The following DGKB variants were observed in gnomAD, a reference collection of about 807,000 sequenced individuals.
DGKB encodes 90 kDa diacylglycerol kinase.
A neutral mutation model predicts 114.3 loss-of-function variants in DGKB; 67 were observed. That is an observed-to-expected ratio of 0.59 (90% CI 0.48 to 0.72). The LOEUF is 0.72. Among genes scored for constraint, DGKB ranks in the 30% least tolerant of loss-of-function variants. The probability of loss-of-function intolerance (pLI) is 0.00; values close to 1 mark genes in which losing one functional copy is unlikely to be tolerated. For synonymous variants in DGKB, 398 were observed against 323.1 expected, an observed-to-expected ratio of 1.23 and a Z score of -2.49; for missense variants, 907 against 975.2, an observed-to-expected ratio of 0.93 and a Z score of 0.93.
intron 23 of DGKB, among the ~76,000 whole-genome samples, chr7:14,236,267 C>G (rs1178579005): frequency 6.6e-6 from 1 of 151,682 alleles, no homozygotes; most frequent in Admixed American, 6.6e-5. Flanking sequence ...ACATGAAAGA[C>G]AGCTTATCAC....
intron 13 of DGKB, among the ~76,000 whole-genome samples, chr7:14,653,987 C>A (rs985745526): frequency 2.6e-5 from 4 of 151,994 alleles, no homozygotes; most frequent in Non-Finnish European, 5.9e-5. Flanking sequence ...GACAAGTATG[C>A]CTACTTTTAC....
At chr7:14,180,545 G>A (rs1048233131) in intron 23 of DGKB, among the ~76,000 whole-genome samples, 16 of 152,060 alleles carry the variant, frequency 1.1e-4, no homozygotes, top group Non-Finnish European at 1.8e-4. Flanking sequence ...TAGGAATAGT[G>A]CCATCTTTAC....
intron 16 of DGKB, among the ~76,000 whole-genome samples, 178 bp from the exon 17 acceptor site, chr7:14,607,686 A>G (rs1026315820): frequency 2.0e-5 from 3 of 151,956 alleles, no homozygotes; most frequent in Non-Finnish European, 4.4e-5. Flanking sequence ...CTCAATAGGA[A>G]TTAATGGTTT....
rs1554404696 is a variant in DGKB, at chr7:14,392,989, G to GTTTTTGTTTTTGTTTTTTTTT, written c.1836-47599_1836-47598insAAAAAAAAACAAAAACAAAAA. On this transcript the variant is annotated intron_variant, in intron 21 of 25. Transcript: ENST00000402815. Reference sequence around the variant, plus strand: ...GAGGGCCAAAACAGACCTGTTTTTTGTTTTTGTTTTTTTTTTTTTGAGACG... The same window carrying GTTTTTGTTTTTGTTTTTTTTT: ...GAGGGCCAAAACAGACCTGTTTTTTGTTTTTGTTTTTGTTTTTTTTTTTTTTGTTTTTTTTTTTTTGAGACG... Among the ~76,000 whole-genome samples the GTTTTTGTTTTTGTTTTTTTTT allele has an allele frequency of 3.0e-4, 3 of 10,168 alleles. 1 individual carries two copies. The East Asian group carries it at 4.0e-3, about 13-fold the overall frequency. The allele number at this position is 10,168 out of a possible 152,430, so 6.7% of individuals were successfully genotyped here.
At chr7:14,920,894 T>G (rs1475790964) in intron 1 of DGKB, among the ~76,000 whole-genome samples, 2 of 152,132 alleles carry the variant, frequency 1.3e-5, no homozygotes, top group Non-Finnish European at 2.9e-5. Flanking sequence ...CTGAAAAGAC[T>G]CCCATACTAA....
At chr7:14,922,619 G>A (rs1784564874) in intron 1 of DGKB, among the ~76,000 whole-genome samples, 1 of 152,022 alleles carries the variant, frequency 6.6e-6, no homozygotes, top group African/African-American at 2.4e-5. Context: ...CTTCATTTCA[G>A]CATGGTGTAG....
At chr7:14,375,646 T>C (rs1171395822) in intron 21 of DGKB, among the ~76,000 whole-genome samples, 1 of 152,326 alleles carries the variant, frequency 6.6e-6, no homozygotes, top group South Asian at 2.1e-4. Flanking sequence ...CCTTCTCAGG[T>C]AGGATTTCTT....
At chr7:14,537,214 T>C (rs1792649804) in intron 20 of DGKB, among the ~76,000 whole-genome samples, 1 of 151,930 alleles carries the variant, frequency 6.6e-6, no homozygotes, top group South Asian at 2.1e-4. Context: ...GATTGGAAAA[T>C]TTAATATTAT....
intron 13 of DGKB, among the ~76,000 whole-genome samples, chr7:14,647,889 C>T (rs1460237402): frequency 6.6e-6 from 1 of 152,222 alleles, no homozygotes; most frequent in Non-Finnish European, 1.5e-5. Context: ...TGACGGACAG[C>T]ACCTGGAAAA....
At chr7:14,442,270 A>C (rs1830181258) in intron 21 of DGKB, among the ~76,000 whole-genome samples, 1 of 151,630 alleles carries the variant, frequency 6.6e-6, no homozygotes, top group African/African-American at 2.4e-5. Flanking sequence ...GCATTTCTCT[A>C]TTTGTTCTAG....
intron 21 of DGKB, among the ~76,000 whole-genome samples, chr7:14,394,035 T>C (rs1821854888): frequency 6.6e-6 from 1 of 152,130 alleles, no homozygotes; most frequent in Non-Finnish European, 1.5e-5. Context: ...TTATCTTAAA[T>C]AGCACAAAAT....
chr7:14,928,846 G>C (rs1240752588), intron 1 of DGKB, among the ~76,000 whole-genome samples: 1 of 151,634 alleles, frequency 6.6e-6, no homozygotes, highest in Non-Finnish European at 1.5e-5. Flanking sequence ...ATCCATCTGA[G>C]TCTCCATTGT....
intron 17 of DGKB, among the ~76,000 whole-genome samples, chr7:14,589,586 T>C (rs1188623240): frequency 6.6e-6 from 1 of 151,994 alleles, no homozygotes; most frequent in East Asian, 1.9e-4. Flanking sequence ...CAAGTTTCTC[T>C]TCTACTCCTA....
chr7:14,424,472 A>C (rs1251469064), intron 21 of DGKB, among the ~76,000 whole-genome samples: 2 of 151,878 alleles, frequency 1.3e-5, no homozygotes, highest in African/African-American at 4.8e-5. Flanking sequence ...TATATAAAAG[A>C]GTTAGGTCTA....
chr7:14,236,540 G>A lies in DGKB; in HGVS notation c.2123-58389C>T, dbSNP rs987018917. 3.7e-4 allele frequency among the ~76,000 whole-genome samples: 56 copies of A among 151,898 alleles called. 1 individual carries two copies. The highest frequency in any genetic ancestry group is 2.9e-4 in the Non-Finnish European group (20 of 67,938). Reference sequence around the variant, plus strand: ...TTCAACGAGAATCAAATTTTTTACAGCTGATCGATGTAATATAGTTCTGTA... The same window carrying A: ...TTCAACGAGAATCAAATTTTTTACAACTGATCGATGTAATATAGTTCTGTA... On this transcript the variant is annotated intron_variant, in intron 23 of 25. Coordinates refer to ENST00000402815, the MANE Select transcript of DGKB (RefSeq NM_001350709.2).
At position 14,176,829 on chromosome 7, in the gene DGKB, C is replaced by G. The variant is rs1174082344; in HGVS notation, c.2304+10G>C. 1 of 1,613,756 alleles carries G rather than the reference C, an allele frequency of 6.2e-7. No individual in the cohort carries two copies. The highest frequency in any genetic ancestry group is 8.5e-7 in the Non-Finnish European group (1 of 1,179,742). On this transcript the variant is annotated intron_variant, in intron 25 of 25. Transcript: ENST00000402815. ...AGATTGACATAGCATATCAACTACT[C>G]TGTACTCACTGTGCATGGGGTCTGC...
At chr7:14,466,528 C>G (rs1780496235) in intron 21 of DGKB, among the ~76,000 whole-genome samples, 1 of 152,060 alleles carries the variant, frequency 6.6e-6, no homozygotes. Flanking sequence ...GGGCAAGAAC[C>G]TTGGACCAAG....
At chr7:14,852,487 C>CAAAAAAAAAAAAACAAAAACA in intron 1 of DGKB, among the ~76,000 whole-genome samples, 3 of 63,618 alleles carry the variant, frequency 4.7e-5, no homozygotes, top group South Asian at 5.8e-4. Flanking sequence ...TAGTGAAAGT[C>CAAAAAAAAAAAAACAAAAACA]AAAAAAAAAA....
chr7:14,357,229 C>G (rs529682455), intron 21 of DGKB, among the ~76,000 whole-genome samples: 10 of 152,234 alleles, frequency 6.6e-5, no homozygotes, highest in African/African-American at 2.4e-4. Flanking sequence ...GTGTGGGAGT[C>G]TAAGTCCCTT....
Sources: allele counts gnomAD v4.1 joint callset (sites outside exome capture counted in the v4.1 genomes callset), GRCh38; gene constraint gnomAD v4.1.1; transcripts MANE v1.5; gene names NCBI Gene and HGNC (gene_info 2026-07-23, HGNC 2026-07-21).